ROBO1: variants seen among roughly 807,000 people sequenced by gnomAD.
ROBO1 encodes roundabout homolog 1.
Under a neutral mutation model 195.9 loss-of-function variants are expected in ROBO1, and 149 were observed. The ratio of observed to expected loss-of-function variants is 0.76; its 90% CI spans 0.67 to 0.87. ROBO1 has a LOEUF of 0.87. Ranked by LOEUF, ROBO1 falls within the 40% of genes least tolerant of loss-of-function variation. ROBO1 has a pLI of 0.00. For synonymous variants in ROBO1, 816 were observed against 733.2 expected, an observed-to-expected ratio of 1.11 and a Z score of -1.82; for missense variants, 1,933 against 2,068.3, an observed-to-expected ratio of 0.93 and a Z score of 1.27.
At chr3:79,016,554 A>G (rs1026033016) in intron 3 of ROBO1, among the ~76,000 whole-genome samples, 1 of 152,218 alleles carries the variant, frequency 6.6e-6, no homozygotes, top group Non-Finnish European at 1.5e-5. Context: ...TATTAAATCT[A>G]ATAGGACAGT....
intron 2 of ROBO1, among the ~76,000 whole-genome samples, chr3:79,578,871 C>T (rs1214463781): frequency 6.6e-6 from 1 of 152,158 alleles, no homozygotes; most frequent in African/African-American, 2.4e-5. Flanking sequence ...CACTATACTA[C>T]ATTTTTCATT....
intron 10 of ROBO1, among the ~76,000 whole-genome samples, chr3:78,673,326 T>C (rs1354001503): frequency 6.6e-6 from 1 of 150,622 alleles, no homozygotes; most frequent in Admixed American, 6.7e-5. Flanking sequence ...TTATTGTCAG[T>C]ATAAAAATAA....
At chr3:79,450,332 T>C (rs1433718083) in intron 2 of ROBO1, among the ~76,000 whole-genome samples, 2 of 92,404 alleles carry the variant, frequency 2.2e-5, no homozygotes, top group Non-Finnish European at 4.7e-5. Flanking sequence ...GACAGGGTGC[T>C]GGGGAGAGAG....
At chr3:79,214,849 G>A (rs1244805068) in intron 2 of ROBO1, among the ~76,000 whole-genome samples, 1 of 142,840 alleles carries the variant, frequency 7.0e-6, no homozygotes, top group Non-Finnish European at 1.5e-5. Flanking sequence ...TTGAGGTACA[G>A]TTTGAGGTTT....
At chr3:78,631,408 T>C in intron 24 of ROBO1, 103 bp from the exon 25 acceptor site, 1 of 1,272,546 alleles carries the variant, frequency 7.9e-7, no homozygotes, top group Non-Finnish European at 1.1e-6. Flanking sequence ...ATAATTCATT[T>C]ATATATACAG....
chr3:78,976,505 C>T (rs1426407114), intron 3 of ROBO1, among the ~76,000 whole-genome samples: 5 of 152,162 alleles, frequency 3.3e-5, no homozygotes, highest in Non-Finnish European at 5.9e-5. Context: ...CCTATATTTT[C>T]GGACAGAGCT....
intron 3 of ROBO1, among the ~76,000 whole-genome samples, chr3:79,060,753 T>C (rs2078901473): frequency 6.6e-6 from 1 of 152,058 alleles, no homozygotes; most frequent in Admixed American, 6.6e-5. Flanking sequence ...AAAAACCAAA[T>C]GATTATCTCA....
At chr3:79,579,471 C>G (rs550064730) in intron 2 of ROBO1, among the ~76,000 whole-genome samples, 2 of 152,208 alleles carry the variant, frequency 1.3e-5, no homozygotes, top group South Asian at 4.1e-4. Context: ...TTGTCATCTA[C>G]CAAACTAGAT....
intron 1 of ROBO1, among the ~76,000 whole-genome samples, chr3:79,691,760 G>A (rs1330549622): frequency 6.6e-6 from 1 of 151,812 alleles, no homozygotes; most frequent in East Asian, 1.9e-4. Flanking sequence ...TTCTAGCCAA[G>A]AATTCTTAAC....
chr3:79,308,239 A>G (rs17395825), intron 2 of ROBO1, among the ~76,000 whole-genome samples: 11,344 of 152,242 alleles, frequency 0.075, 471 homozygotes, highest in African/African-American at 0.098. Flanking sequence ...TGTAAAGAGC[A>G]TCGTACTAAG....
intron 4 of ROBO1, among the ~76,000 whole-genome samples, chr3:78,787,937 T>TTTTTTC (rs2083889657): frequency 2.9e-5 from 2 of 67,936 alleles, no homozygotes; most frequent in Non-Finnish European, 6.6e-5. Context: ...TTTTTTTTTT[T>TTTTTTC]TTTTTTTTTT....
chr3:79,279,703 A>G (rs2031356790), intron 2 of ROBO1, among the ~76,000 whole-genome samples: 1 of 152,164 alleles, frequency 6.6e-6, no homozygotes, highest in South Asian at 2.1e-4. Context: ...TACTGTAATT[A>G]GTGCTGCAAT....
intron 3 of ROBO1, among the ~76,000 whole-genome samples, chr3:79,066,485 A>T (rs1008731303): frequency 6.6e-6 from 1 of 152,106 alleles, no homozygotes; most frequent in South Asian, 2.1e-4. Flanking sequence ...ACTGAAAAAC[A>T]AATAAATAAT....
intron 3 of ROBO1, among the ~76,000 whole-genome samples, chr3:78,976,934 C>T (rs975440011): frequency 1.3e-5 from 2 of 152,166 alleles, no homozygotes; most frequent in African/African-American, 2.4e-5. Flanking sequence ...TACCTCCTTA[C>T]ATTTCAATGA....
rs186098255 is a variant in ROBO1, at chr3:78,842,589, G to A, written c.500-95689C>T. Among the ~76,000 whole-genome samples the A allele has an allele frequency of 9.9e-3, 375 of 37,698 alleles. 84 individuals carry two copies. The highest frequency in any genetic ancestry group is 0.069 in the Middle Eastern group (4 of 58). 24.7% of individuals were successfully genotyped at this position (37,698 alleles called of 152,430 possible). ...ATGAGCCATTTATATATTTATATAT[G>A]AGCCATATATATATTTTTATATATG... On this transcript the variant is annotated intron_variant, in intron 4 of 30. Coordinates refer to ENST00000464233, the MANE Select transcript of ROBO1 (RefSeq NM_002941.4).
intron 3 of ROBO1, among the ~76,000 whole-genome samples, chr3:78,964,027 G>GA (rs967381511): frequency 6.6e-6 from 1 of 152,084 alleles, no homozygotes; most frequent in Non-Finnish European, 1.5e-5. Flanking sequence ...TCAGGGCAGT[G>GA]AGGGAGAATT....
chr3:78,675,317 C>T (rs1002104617), intron 10 of ROBO1, among the ~76,000 whole-genome samples: 4 of 151,998 alleles, frequency 2.6e-5, no homozygotes, highest in African/African-American at 7.3e-5. Context: ...TAGAGGGCGC[C>T]GGTCAGTGGG....
At chr3:79,490,257 C>T (rs1023058982) in intron 2 of ROBO1, among the ~76,000 whole-genome samples, 1 of 152,152 alleles carries the variant, frequency 6.6e-6, no homozygotes, top group African/African-American at 2.4e-5. Context: ...CGTTGCCTGT[C>T]CTTGCCTTAT....
At chr3:79,744,819 T>TA (rs1384856274) in intron 1 of ROBO1, among the ~76,000 whole-genome samples, 2 of 152,114 alleles carry the variant, frequency 1.3e-5, no homozygotes, top group African/African-American at 4.8e-5. Flanking sequence ...TTTACACAGT[T>TA]ACTACATTTT....
Sources: allele counts gnomAD v4.1 joint callset (sites outside exome capture counted in the v4.1 genomes callset), GRCh38; gene constraint gnomAD v4.1.1; transcripts MANE v1.5; gene names NCBI Gene and HGNC (gene_info 2026-07-23, HGNC 2026-07-21).